Variants in LRRC39 observed in about 807,000 individuals in gnomAD.
LRRC39 encodes the protein leucine rich repeat containing 39, also known as leucine-rich repeat-containing protein 39.
Under a neutral mutation model 39.7 loss-of-function variants are expected in LRRC39, and 35 were observed. That is an observed-to-expected ratio of 0.88 (90% CI 0.67 to 1.17). The LOEUF is 1.17. Among genes scored for constraint, LRRC39 ranks in the 50% most tolerant of loss-of-function variants. LRRC39 has a pLI of 0.00. For synonymous variants in LRRC39, 113 were observed against 134.1 expected (o/e 0.84, Z 1.09); for missense variants, 357 against 385.8 (o/e 0.93, Z 0.62).
At chr1:100,176,136 T>C (rs528357270) in intron 1 of LRRC39, among the ~76,000 whole-genome samples, 2 of 152,270 alleles carry the variant, frequency 1.3e-5, no homozygotes, top group South Asian at 2.1e-4. Context: ...AGTAAAACAA[T>C]GTTTTAAAAG....
At chr1:100,168,303 CT>C (rs766931283) in intron 3 of LRRC39, 100 bp downstream of exon 3, 1 of 869,766 alleles carries the variant, frequency 1.1e-6, no homozygotes, top group Non-Finnish European at 1.7e-6. Flanking sequence ...AAATAAAATT[CT>C]ATATCAAATT....
chr1:100,174,277 T>C (rs185383161), intron 1 of LRRC39, among the ~76,000 whole-genome samples: 13 of 151,942 alleles, frequency 8.6e-5, no homozygotes, highest in Admixed American at 4.6e-4. Flanking sequence ...CATATACACA[T>C]AGGCACTGCA....
rs1300852111 is a variant in LRRC39 at position 100,158,310 on chromosome 1, G to A, written c.434C>T (p.Pro145Leu). The A allele has an allele frequency of 6.2e-7, 1 of 1,613,954 alleles. No homozygotes were observed. The highest frequency in any genetic ancestry group is 1.7e-5 in the Admixed American group (1 of 60,016). The change falls in exon 6 of 10, where the codon CCC (proline) becomes CTC (leucine). Residue 145 changes from proline (P) to leucine (L), a missense_variant. Physicochemically the swap from Pro to Leu is moderately conservative, Grantham distance 98. Coordinates refer to ENST00000370137, the MANE Select transcript of LRRC39 (RefSeq NM_144620.4). Reference protein sequence around the residue: ...ILSYNKIKTVPKELSNCASLE... With the variant: ...ILSYNKIKTVLKELSNCASLE... ...GCTGGCACAATTACTTAGTTCCTTG[G>A]GGACAGTCTTGATTTTGTTGTAGCT...
At chr1:100,167,508 C>A (rs1237399759) in intron 3 of LRRC39, among the ~76,000 whole-genome samples, 1 of 152,130 alleles carries the variant, frequency 6.6e-6, no homozygotes, top group African/African-American at 2.4e-5. Context: ...GGCATGGTGG[C>A]TCATGCCTGT....
At chr1:100,176,997 T>A (rs577263776) in intron 1 of LRRC39, among the ~76,000 whole-genome samples, 37 of 152,336 alleles carry the variant, frequency 2.4e-4, no homozygotes, top group African/African-American at 8.9e-4. Context: ...ATACTGTCTG[T>A]ACCTTATGGA....
chr1:100,168,469 T>G lies in LRRC39; in HGVS notation c.48A>C (p.Glu16Asp). The G allele has an allele frequency of 6.2e-7, 1 of 1,612,694 alleles. No homozygotes were observed. Among genetic ancestry groups the G allele is most frequent in the Admixed American group, 1.7e-5 (1 of 59,662 alleles). ...VCTGAVNAVKEVWEKRIKKLN... is the reference protein window; with the variant it reads ...VCTGAVNAVKDVWEKRIKKLN... The stretch of plus-strand genomic sequence containing the variant: ...GTTTCTTTATTCTTTTTTCCCAAAC[T>G]TCCTTTACAGCATTGACAGCCCCAG... Residue 16 changes from glutamate (E) to aspartate (D), a missense_variant, in exon 3 of 10, where the codon GAA (glutamate) becomes GAC (aspartate). Physicochemically the swap from Glu to Asp is conservative, Grantham distance 45 (BLOSUM62 2). Transcript: ENST00000370137.
chr1:100,149,335 A>T lies in LRRC39; in HGVS notation c.953-238T>A, dbSNP rs980159425. ...TGCAGACAATTCAGAGATATTCACA[A>T]TTAATAAACACAATTAATTAATGAA... On this transcript the variant is annotated intron_variant, in intron 9 of 9. Transcript: ENST00000370137. 3 of 1,542,690 alleles carry T rather than the reference A, an allele frequency of 1.9e-6. No individual in the cohort carries two copies. In the Admixed American group the frequency reaches 6.1e-5, roughly 31 times the overall value.
intron 9 of LRRC39, chr1:100,150,489 A>G (rs1198072187): frequency 1.3e-5 from 2 of 152,204 alleles, no homozygotes; most frequent in Non-Finnish European, 2.9e-5. Flanking sequence ...ACAATATTCT[A>G]CAACAGGCAT....
Position 100,152,435 on chromosome 1 carries a change from A to G in LRRC39, c.902T>C (p.Phe301Ser), listed in dbSNP as rs753918739. The change falls in exon 9 of 10, where the codon TTT (phenylalanine) becomes TCT (serine). Residue 301 changes from phenylalanine (F) to serine (S), a missense_variant. Coordinates refer to ENST00000370137, the MANE Select transcript of LRRC39 (RefSeq NM_144620.4). Reference protein sequence around the residue: ...GTDEEEERELFGLQFMHTYIQ... With the variant: ...GTDEEEERELSGLQFMHTYIQ... ...GTATGTGTGCATAAACTGAAGGCCA[A>G]ATAATTCCCGTTCCTCTTCTTCATC... 122 of 1,613,452 alleles carry G rather than the reference A, an allele frequency of 7.6e-5. No individual in the cohort carries two copies. In the Admixed American group the frequency reaches 1.8e-3, roughly 24 times the overall value.
intron 9 of LRRC39, among the ~76,000 whole-genome samples, chr1:100,150,700 T>C (rs1169659954): frequency 6.6e-6 from 1 of 152,210 alleles, no homozygotes; most frequent in Non-Finnish European, 1.5e-5. Flanking sequence ...TCACATATCA[T>C]GAGAAAGTGA....
intron 1 of LRRC39, among the ~76,000 whole-genome samples, chr1:100,174,302 T>A (rs1016936634): frequency 4.9e-5 from 7 of 142,026 alleles, no homozygotes; most frequent in African/African-American, 1.8e-4. Flanking sequence ...ATTGTGGAAA[T>A]TTTTTTTTTT....
intron 2 of LRRC39, among the ~76,000 whole-genome samples, chr1:100,169,912 C>T (rs546877664): frequency 6.6e-6 from 1 of 152,176 alleles, no homozygotes; most frequent in African/African-American, 2.4e-5. Context: ...CTCTTACTAC[C>T]ACTGTATAAG....
intron 3 of LRRC39, among the ~76,000 whole-genome samples, chr1:100,164,726 G>A (rs973115958): frequency 2.0e-5 from 3 of 151,732 alleles, no homozygotes; most frequent in African/African-American, 7.3e-5. Context: ...AAATGAGACA[G>A]TGTCTTGCTC....
chr1:100,156,621 A>G lies in LRRC39; in HGVS notation c.514-304T>C, dbSNP rs188838320. On this transcript the variant is annotated intron_variant, in intron 6 of 9. Transcript: ENST00000370137. ...TTTTCCCTGAGAGTAAGCACCCATT[A>G]TCATGTTTTCCTTTGATCCAGTAGT... 2.1e-3 allele frequency among the ~76,000 whole-genome samples: 324 copies of G among 152,312 alleles called. 2 individuals carry two copies. Among genetic ancestry groups the G allele is most frequent in the South Asian group, 0.013 (61 of 4,828 alleles).
At chr1:100,151,252 A>G (rs926844497) in intron 9 of LRRC39, among the ~76,000 whole-genome samples, 1 of 151,916 alleles carries the variant, frequency 6.6e-6, no homozygotes, top group Non-Finnish European at 1.5e-5. Context: ...CCATCTATCC[A>G]GTTGCCCTCT....
At chr1:100,178,400 G>C (rs1204472435), upstream of LRRC39, 1 of 152,126 alleles carries the variant, frequency 6.6e-6, no homozygotes, top group East Asian at 1.9e-4. Flanking sequence ...AAACTATCAG[G>C]CATAACTATT....
At chr1:100,167,696 A>C (rs1659338401) in intron 3 of LRRC39, among the ~76,000 whole-genome samples, 1 of 151,680 alleles carries the variant, frequency 6.6e-6, no homozygotes, top group African/African-American at 2.4e-5. Context: ...GAATCACTTG[A>C]ATCTGGGAGG....
In LRRC39 at chr1:100,160,514, G is replaced by C. The variant is rs372828893; in HGVS notation, c.171C>G (p.Thr57=). Reference sequence around the variant, plus strand: ...TCAAAATGACTCTTCCATCTTCCCTGGTGACCTTTTCTCTTAGCTTGGTTA... The same window carrying C: ...TCAAAATGACTCTTCCATCTTCCCTCGTGACCTTTTCTCTTAGCTTGGTTA... ...VSLTKLREKV[T]REDGRVILKI... Residue 57 remains threonine (T), a synonymous_variant, in exon 4 of 10, where the codon ACC becomes ACG. Transcript: ENST00000370137. 3.7e-6 allele frequency: 6 copies of C among 1,613,428 alleles called. No individual in the cohort carries two copies. The African/African-American group carries it at 8.0e-5, about 22-fold the overall frequency.
chr1:100,164,627 T>C (rs1451226101), intron 3 of LRRC39, among the ~76,000 whole-genome samples: 1 of 152,232 alleles, frequency 6.6e-6, no homozygotes, highest in Non-Finnish European at 1.5e-5. Flanking sequence ...GTAATCAGCT[T>C]CTCTGTCTCA....
Sources: allele counts gnomAD v4.1 joint callset (sites outside exome capture counted in the v4.1 genomes callset), GRCh38; gene constraint gnomAD v4.1.1; transcripts MANE v1.5; gene names NCBI Gene and HGNC (gene_info 2026-07-23, HGNC 2026-07-21).